Variants in PIP5K1B observed in about 807,000 individuals in gnomAD.
PIP5K1B encodes phosphatidylinositol-4-phosphate 5-kinase type 1 beta.
PIP5K1B carries 42 observed loss-of-function variants against 67.0 expected under a neutral mutation model. The ratio of observed to expected loss-of-function variants is 0.63; its 90% CI spans 0.49 to 0.81. The LOEUF is 0.81. Among genes scored for constraint, PIP5K1B ranks in the 30% least tolerant of loss-of-function variants. The probability of loss-of-function intolerance (pLI) is 0.00; values close to 1 mark genes in which losing one functional copy is unlikely to be tolerated. For synonymous variants in PIP5K1B, 214 were observed against 231.4 expected (o/e 0.92, Z 0.68); for missense variants, 459 against 646.3 (o/e 0.71, Z 3.14).
At chr9:68,765,056 T>G (rs1830364983) in intron 2 of PIP5K1B, among the ~76,000 whole-genome samples, 1 of 152,178 alleles carries the variant, frequency 6.6e-6, no homozygotes, top group South Asian at 2.1e-4. Context: ...CAGTCACTGC[T>G]CATTATCTTG....
chr9:68,747,057 T>G lies in PIP5K1B; in HGVS notation c.-86+4400T>G, dbSNP rs117688299. On this transcript the variant is annotated intron_variant, in intron 2 of 15. Transcript: ENST00000265382. ...GAAGGCGCTGGACTTGAACTAGGCTTGGCGATCGCCTTCCCTCTCATTCTT... is the reference window on the plus strand; with the variant it reads ...GAAGGCGCTGGACTTGAACTAGGCTGGGCGATCGCCTTCCCTCTCATTCTT... Among the ~76,000 whole-genome samples the G allele has an allele frequency of 8.9e-3, 1,349 of 152,020 alleles. 12 individuals are homozygous for G. Among genetic ancestry groups the G allele is most frequent in the Middle Eastern group, 0.024 (7 of 294 alleles).
At chr9:68,884,665 TAA>T (rs71353087) in intron 6 of PIP5K1B, among the ~76,000 whole-genome samples, 302 of 133,340 alleles carry the variant, frequency 2.3e-3, no homozygotes, top group Middle Eastern at 3.9e-3. Flanking sequence ...ACCTTGTCTT[TAA>T]AAAAAAAAAA....
At chr9:68,747,838 A>G (rs1829399852) in intron 2 of PIP5K1B, among the ~76,000 whole-genome samples, 1 of 152,172 alleles carries the variant, frequency 6.6e-6, no homozygotes, top group Non-Finnish European at 1.5e-5. Flanking sequence ...ATGGTTTAAC[A>G]CTACATTGTA....
chr9:68,923,221 A>G (rs1293339750), intron 11 of PIP5K1B, 81 bp from the exon 12 acceptor site: 4 of 812,312 alleles, frequency 4.9e-6, no homozygotes, highest in Non-Finnish European at 8.3e-6. Context: ...GCTAACAGAG[A>G]ACCAATTGCA....
chr9:68,736,275 C>A (rs977024495), intron 1 of PIP5K1B, among the ~76,000 whole-genome samples: 3 of 152,188 alleles, frequency 2.0e-5, no homozygotes, highest in Non-Finnish European at 4.4e-5. Flanking sequence ...GTTAAAAAGT[C>A]TTTTACTCTA....
At chr9:68,991,567 C>T (rs1205081967) in intron 15 of PIP5K1B, among the ~76,000 whole-genome samples, 5 of 152,194 alleles carry the variant, frequency 3.3e-5, no homozygotes, top group Non-Finnish European at 5.9e-5. Flanking sequence ...TTGACTCAGC[C>T]GTGCTCCCTG....
chr9:68,856,888 T>A (rs1025655096), intron 4 of PIP5K1B, among the ~76,000 whole-genome samples: 1 of 152,182 alleles, frequency 6.6e-6, no homozygotes, highest in Admixed American at 6.5e-5. Context: ...CCCTGGAACC[T>A]ATTAAGAAGA....
chr9:68,992,126 T>G lies in PIP5K1B; in HGVS notation c.1620+869T>G, dbSNP rs4745473. ...GATTACAGGCATGTGCCACCACGCC[T>G]GGCTAATTTTGTATTTTTAGTAGAG... is the stretch of plus-strand genomic sequence containing the variant. On this transcript the variant is annotated intron_variant, in intron 15 of 15. Coordinates refer to ENST00000265382, the MANE Select transcript of PIP5K1B (RefSeq NM_003558.4). 3.6e-3 allele frequency among the ~76,000 whole-genome samples: 549 copies of G among 151,830 alleles called. 8 individuals are homozygous for G. Among genetic ancestry groups the G allele is most frequent in the African/African-American group, 0.013 (525 of 41,440 alleles).
chr9:68,828,404 A>T (rs11143900), intron 4 of PIP5K1B, among the ~76,000 whole-genome samples: 19,514 of 152,248 alleles, frequency 0.13, 1,342 homozygotes, highest in Non-Finnish European at 0.16. Context: ...AGAAAGCTCC[A>T]TTGGGAAACT....
intron 14 of PIP5K1B, among the ~76,000 whole-genome samples, chr9:68,989,948 C>G (rs1830285239): frequency 6.6e-6 from 1 of 152,048 alleles, no homozygotes; most frequent in Non-Finnish European, 1.5e-5. Context: ...CCACTGCACT[C>G]CACAGCCTGG....
chr9:68,823,404 T>G (rs1221105123), intron 4 of PIP5K1B, among the ~76,000 whole-genome samples: 1 of 152,216 alleles, frequency 6.6e-6, no homozygotes, highest in Non-Finnish European at 1.5e-5. Flanking sequence ...ATGGACTCAC[T>G]ACTTTCCACC....
chr9:68,764,074 C>CTTTTTTTTTTTTTT lies in PIP5K1B; in HGVS notation c.-86+21430_-86+21443dup, dbSNP rs72304177. The stretch of plus-strand genomic sequence containing the variant: ...TTTGGACACCCCTCTACTATAACTT[C>CTTTTTTTTTTTTTT]TTTTTTTTTTTTTTTTTTTTTTTTT... On this transcript the variant is annotated intron_variant, in intron 2 of 15. Transcript: ENST00000265382. Among the ~76,000 whole-genome samples the CTTTTTTTTTTTTTT allele has an allele frequency of 3.0e-4, 22 of 73,548 alleles. 1 individual carries two copies. Among genetic ancestry groups the CTTTTTTTTTTTTTT allele is most frequent in the African/African-American group, 1.1e-3 (20 of 18,640 alleles). The allele number at this position is 73,548 out of a possible 152,430, so 48.3% of individuals were successfully genotyped here. A position where few individuals can be genotyped will look rare whatever the true frequency, so the allele number is the denominator to read the frequency against.
intron 4 of PIP5K1B, among the ~76,000 whole-genome samples, chr9:68,852,793 C>T (rs766374791): frequency 2.0e-5 from 3 of 152,142 alleles, no homozygotes. Context: ...GATGCAGGAG[C>T]CAGGCTCTCT....
chr9:68,761,318 A>C (rs1830172628), intron 2 of PIP5K1B, among the ~76,000 whole-genome samples: 1 of 152,134 alleles, frequency 6.6e-6, no homozygotes, highest in Non-Finnish European at 1.5e-5. Flanking sequence ...GAAGGCAATG[A>C]TCATTAAGAT....
chr9:68,758,232 A>G (rs1234232684), intron 2 of PIP5K1B, among the ~76,000 whole-genome samples: 1 of 152,182 alleles, frequency 6.6e-6, no homozygotes, highest in African/African-American at 2.4e-5. Flanking sequence ...TACTTGGCAT[A>G]TGAAGAACCA....
intron 1 of PIP5K1B, among the ~76,000 whole-genome samples, chr9:68,713,012 A>T (rs947831202): frequency 6.6e-6 from 1 of 152,224 alleles, no homozygotes; most frequent in Non-Finnish European, 1.5e-5. Flanking sequence ...CAGCTACATC[A>T]ACAGTCCCAA....
intron 4 of PIP5K1B, among the ~76,000 whole-genome samples, chr9:68,833,879 G>A (rs754611472): frequency 2.6e-5 from 4 of 152,290 alleles, no homozygotes; most frequent in Non-Finnish European, 5.9e-5. Context: ...GGACATGTGA[G>A]TTTGAGAATG....
intron 5 of PIP5K1B, among the ~76,000 whole-genome samples, chr9:68,868,019 TATGAATTATTTC>T (rs1284718025): frequency 6.6e-6 from 1 of 152,246 alleles, no homozygotes; most frequent in East Asian, 1.9e-4. Context: ...TAATTTGTCC[TATGAATTATTTC>T]ATTTTGGAGA....
chr9:68,776,413 A>C (rs1223706420), intron 2 of PIP5K1B, among the ~76,000 whole-genome samples: 1 of 152,072 alleles, frequency 6.6e-6, no homozygotes, highest in Non-Finnish European at 1.5e-5. Flanking sequence ...AGATCTTATA[A>C]ATTAGATATC....
Sources: gnomAD v4.1 joint callset for allele counts (sites outside exome capture counted in the v4.1 genomes callset) on GRCh38, gnomAD v4.1.1 for gene constraint, MANE v1.5 for transcripts, NCBI Gene and HGNC (gene_info 2026-07-23, HGNC 2026-07-21) for gene names.